Variants in EFCAB5 observed in about 807,000 individuals in gnomAD.
EFCAB5 encodes EF-hand calcium binding domain 5, also known as EF-hand calcium-binding domain-containing protein 5.
EFCAB5 carries 131 observed loss-of-function variants against 167.9 expected under a neutral mutation model. That is an observed-to-expected ratio of 0.78 (90% CI 0.68 to 0.90). The LOEUF (loss-of-function observed/expected upper bound fraction) is 0.90, where lower values mean the gene tolerates loss of function less well. EFCAB5 is among the 40% of genes least tolerant of loss of function. The pLI is 0.00. For missense variants in EFCAB5, 1,663 were observed against 1,745.2 expected, an observed-to-expected ratio of 0.95 and a Z score of 0.84; for synonymous variants, 574 against 602.8, an observed-to-expected ratio of 0.95 and a Z score of 0.70.
rs1360855799 is a variant in EFCAB5 at position 30,077,539 on chromosome 17, G to A, written c.2738-676G>A. Among the ~76,000 whole-genome samples the A allele has an allele frequency of 2.0e-5, 3 of 152,092 alleles. No homozygotes were observed. In the East Asian group the frequency reaches 5.8e-4, roughly 29 times the overall value. On this transcript the variant is annotated intron_variant, in intron 14 of 22. Coordinates refer to ENST00000394835, the MANE Select transcript of EFCAB5 (RefSeq NM_198529.4). ...TAGGGCAGATCATAGAAGAATATAT[G>A]TTACTGGTAATGTTCAGGTTTGGTA...
intron 22 of EFCAB5, among the ~76,000 whole-genome samples, chr17:30,103,324 T>A (rs2071405066): frequency 6.6e-6 from 1 of 151,758 alleles, no homozygotes; most frequent in South Asian, 2.1e-4. Context: ...CTATGAATTT[T>A]GTAAATATAA....
intron 3 of EFCAB5, among the ~76,000 whole-genome samples, chr17:29,951,296 A>G (rs561180813): frequency 6.6e-6 from 1 of 152,270 alleles, no homozygotes; most frequent in Non-Finnish European, 1.5e-5. Flanking sequence ...AATAAGATTT[A>G]AAAGTATTCT....
At chr17:30,056,922 G>GGT (rs2070284029) in intron 12 of EFCAB5, among the ~76,000 whole-genome samples, 1 of 151,422 alleles carries the variant, frequency 6.6e-6, no homozygotes, top group Admixed American at 6.6e-5. Flanking sequence ...TGTAAAAATT[G>GGT]TGAGTAATCA....
At chr17:29,942,852 A>G (rs1293580517) in intron 2 of EFCAB5, among the ~76,000 whole-genome samples, 1 of 152,144 alleles carries the variant, frequency 6.6e-6, no homozygotes, top group Non-Finnish European at 1.5e-5. Flanking sequence ...GGACTGGCCA[A>G]CATAGCGAAA....
chr17:29,940,135 G>C (rs1293755790), upstream of EFCAB5, among the ~76,000 whole-genome samples: 1 of 151,460 alleles, frequency 6.6e-6, no homozygotes, highest in Admixed American at 6.6e-5. Flanking sequence ...GAGTGCAATG[G>C]CATGATCTTG....
In EFCAB5 at chr17:29,943,041, A is replaced by AATAT. The variant is rs34181760; in HGVS notation, c.106-504_106-501dup. 2.2e-3 allele frequency among the ~76,000 whole-genome samples: 332 copies of AATAT among 147,662 alleles called. 3 individuals are homozygous for AATAT. The highest frequency in any genetic ancestry group is 3.2e-3 in the Non-Finnish European group (215 of 67,000). On this transcript the variant is annotated intron_variant, in intron 2 of 22. Coordinates refer to ENST00000394835, the MANE Select transcript of EFCAB5 (RefSeq NM_198529.4). ...CAACAGAGTGAAACTGCATCTCCAA[A>AATAT]ATATATATATATATATATATATAGT...
intron 8 of EFCAB5, among the ~76,000 whole-genome samples, chr17:30,041,769 C>T (rs1461566903): frequency 6.6e-6 from 1 of 152,198 alleles, no homozygotes; most frequent in Non-Finnish European, 1.5e-5. Context: ...TGCCACAGCA[C>T]ACACCCACCT....
At chr17:29,983,469 T>G (rs1335029134) in intron 4 of EFCAB5, among the ~76,000 whole-genome samples, 1 of 152,236 alleles carries the variant, frequency 6.6e-6, no homozygotes, top group Non-Finnish European at 1.5e-5. Flanking sequence ...ACTCCACTTC[T>G]TCATGGGAGG....
chr17:30,034,992 CT>C (rs977926309), intron 8 of EFCAB5, among the ~76,000 whole-genome samples: 22 of 152,274 alleles, frequency 1.4e-4, no homozygotes, highest in South Asian at 4.1e-4. Context: ...TAAACAATGA[CT>C]TTTTTAGGGC....
chr17:30,057,911 A>C (rs2070318075), intron 13 of EFCAB5, 21 bp downstream of exon 13: 3 of 1,598,374 alleles, frequency 1.9e-6, no homozygotes, highest in African/African-American at 1.3e-5. Context: ...TTATTTATTA[A>C]TGATACAAGT....
intron 4 of EFCAB5, among the ~76,000 whole-genome samples, chr17:29,981,241 C>T (rs754448038): frequency 1.3e-5 from 2 of 152,210 alleles, no homozygotes; most frequent in African/African-American, 4.8e-5. Flanking sequence ...ATGAGACCTT[C>T]TTTGGATGAC....
upstream of EFCAB5, among the ~76,000 whole-genome samples, chr17:29,939,411 G>A (rs1378079682): frequency 1.3e-5 from 2 of 152,308 alleles, no homozygotes; most frequent in South Asian, 2.1e-4. Context: ...GTCACCAGCT[G>A]CATTAGCCCC....
At chr17:29,979,638 G>A (rs1567692182) in intron 4 of EFCAB5, among the ~76,000 whole-genome samples, 4 of 152,070 alleles carry the variant, frequency 2.6e-5, no homozygotes, top group Non-Finnish European at 5.9e-5. Flanking sequence ...GTCAGCTATA[G>A]CACCACTTTT....
chr17:30,097,856 C>T (rs2071325725), intron 22 of EFCAB5, among the ~76,000 whole-genome samples: 1 of 152,092 alleles, frequency 6.6e-6, no homozygotes, highest in Admixed American at 6.5e-5. Flanking sequence ...TAAGACAGTT[C>T]TATCAGGTAA....
At chr17:30,094,176 A>G (rs1451837563) in intron 22 of EFCAB5, among the ~76,000 whole-genome samples, 2 of 152,132 alleles carry the variant, frequency 1.3e-5, no homozygotes, top group African/African-American at 2.4e-5. Flanking sequence ...TAATGTGTCC[A>G]TACTTTCTTA....
chr17:30,067,754 T>C (rs942507742), intron 14 of EFCAB5, among the ~76,000 whole-genome samples: 1 of 152,230 alleles, frequency 6.6e-6, no homozygotes, highest in Non-Finnish European at 1.5e-5. Flanking sequence ...GAAATCTTTT[T>C]TTCTAAGATC....
At chr17:29,991,827 T>C (rs185738771) in intron 4 of EFCAB5, among the ~76,000 whole-genome samples, 86 of 152,346 alleles carry the variant, frequency 5.6e-4, no homozygotes, top group Non-Finnish European at 9.8e-4. Flanking sequence ...TAAGGCCTTA[T>C]TGCATTCAAC....
At chr17:30,052,903 C>G (rs911123672) in intron 9 of EFCAB5, among the ~76,000 whole-genome samples, 1 of 152,074 alleles carries the variant, frequency 6.6e-6, no homozygotes, top group African/African-American at 2.4e-5. Flanking sequence ...AAGATGTGTC[C>G]CTTTTCCCAT....
rs146634680 is a variant in EFCAB5 at position 29,955,604 on chromosome 17, A to T, written c.190+11955A>T. ...ATTAGCTGCATGAGAGCAGACTAAT[A>T]CACCAAGGAAGTGAAAGATCTCTAC... On this transcript the variant is annotated intron_variant, in intron 3 of 22. Transcript: ENST00000394835. Among the ~76,000 whole-genome samples the T allele has an allele frequency of 1.5e-3, 229 of 152,214 alleles. 1 individual carries two copies. The highest frequency in any genetic ancestry group is 5.2e-3 in the African/African-American group (217 of 41,532).
Sources: allele counts gnomAD v4.1 joint callset (sites outside exome capture counted in the v4.1 genomes callset), GRCh38; gene constraint gnomAD v4.1.1; transcripts MANE v1.5; gene names NCBI Gene and HGNC (gene_info 2026-07-23, HGNC 2026-07-21).